Variants in PGCKA1 observed in about 807,000 individuals in gnomAD.
PGCKA1 encodes PDCD10 and GCKIII kinases associated 1, also known as PDCD10 and GCKIII kinases-associated protein 1.
the PGCKA1 span, among the ~76,000 whole-genome samples, chr4:37,584,873 C>G: frequency 1.3e-5 from 2 of 151,968 alleles, no homozygotes; most frequent in African/African-American, 2.4e-5. Flanking sequence ...CTCTTGAATT[C>G]ACCATCATAA....
At chr4:37,503,332 T>C in the PGCKA1 span, among the ~76,000 whole-genome samples, 533 of 152,294 alleles carry the variant, frequency 3.5e-3, 4 homozygotes, top group Non-Finnish European at 6.1e-3. Flanking sequence ...GTGTCTTCCT[T>C]CCAGGCACCC....
At chr4:37,526,979 C>T in the PGCKA1 span, among the ~76,000 whole-genome samples, 1 of 152,076 alleles carries the variant, frequency 6.6e-6, no homozygotes, top group Admixed American at 6.5e-5. Context: ...AACCTGAAAA[C>T]CTTCCAATAG....
chr4:37,525,064 C>G, the PGCKA1 span, among the ~76,000 whole-genome samples: 75,990 of 151,634 alleles, frequency 0.5, 19,847 homozygotes, highest in African/African-American at 0.64. Context: ...AAATTAGAGA[C>G]AAAGCAGTTC....
At chr4:37,478,794 T>A in the PGCKA1 span, among the ~76,000 whole-genome samples, 2 of 152,188 alleles carry the variant, frequency 1.3e-5, no homozygotes, top group Non-Finnish European at 2.9e-5. Flanking sequence ...CCCCTCTCAA[T>A]ATTTGTTACT....
the PGCKA1 span, among the ~76,000 whole-genome samples, chr4:37,472,885 T>C: frequency 6.6e-6 from 1 of 152,150 alleles, no homozygotes; most frequent in Non-Finnish European, 1.5e-5. Flanking sequence ...TATCTATGAG[T>C]TATGTCTGCA....
the PGCKA1 span, among the ~76,000 whole-genome samples, chr4:37,514,561 T>C: frequency 0.51 from 78,126 of 151,976 alleles, 20,467 homozygotes; most frequent in African/African-American, 0.6. Context: ...AAAAGAAATA[T>C]ATTTTATATC....
chr4:37,506,617 T>C, the PGCKA1 span, among the ~76,000 whole-genome samples: 2 of 151,918 alleles, frequency 1.3e-5, 1 homozygote, highest in South Asian at 4.1e-4. Context: ...CTATTTCTAA[T>C]TTTATTTAAT....
chr4:37,590,045 A>G, the PGCKA1 span: 3 of 1,412,794 alleles, frequency 2.1e-6, no homozygotes, highest in Non-Finnish European at 2.9e-6. Context: ...AAAAGCATTA[A>G]TGATGGAGCA....
chr4:37,589,007 A>G, the PGCKA1 span: 1 of 792,818 alleles, frequency 1.3e-6, no homozygotes. Flanking sequence ...TTGGGGCATG[A>G]TCAACATTGC....
chr4:37,466,429 C>T, the PGCKA1 span, among the ~76,000 whole-genome samples: 1 of 152,170 alleles, frequency 6.6e-6, no homozygotes, highest in Non-Finnish European at 1.5e-5. Context: ...TAGCAAATTG[C>T]AGACAATACA....
the PGCKA1 span, among the ~76,000 whole-genome samples, chr4:37,457,823 C>G: frequency 2.6e-5 from 4 of 152,160 alleles, no homozygotes; most frequent in East Asian, 5.8e-4. Context: ...TATTTCATTT[C>G]TGATTCCTAA....
chr4:37,466,348 T>C, the PGCKA1 span, among the ~76,000 whole-genome samples: 2 of 152,238 alleles, frequency 1.3e-5, no homozygotes. Context: ...ACTCATTTAA[T>C]CTACATCCTA....
the PGCKA1 span, among the ~76,000 whole-genome samples, chr4:37,487,431 C>A: frequency 6.6e-6 from 1 of 152,102 alleles, no homozygotes; most frequent in East Asian, 1.9e-4. Context: ...TCATTTCACC[C>A]CAGCACTTCA....
At chr4:37,538,727 G>A in the PGCKA1 span, among the ~76,000 whole-genome samples, 1 of 152,122 alleles carries the variant, frequency 6.6e-6, no homozygotes, top group African/African-American at 2.4e-5. Flanking sequence ...TATGATGGAG[G>A]AACTTAATCT....
the PGCKA1 span, among the ~76,000 whole-genome samples, chr4:37,537,418 T>C: frequency 6.6e-6 from 1 of 152,234 alleles, no homozygotes; most frequent in African/African-American, 2.4e-5. Context: ...ATTATAAACA[T>C]TGAAGAATAT....
chr4:37,455,671 C>T, the PGCKA1 span, among the ~76,000 whole-genome samples: 1 of 152,180 alleles, frequency 6.6e-6, no homozygotes, highest in East Asian at 1.9e-4. Context: ...ACCTTGCATA[C>T]CAACTCAACA....
At chr4:37,482,759 G>A in the PGCKA1 span, among the ~76,000 whole-genome samples, 2 of 152,130 alleles carry the variant, frequency 1.3e-5, no homozygotes, top group African/African-American at 4.8e-5. Flanking sequence ...GTTTTCATGG[G>A]CTGGACCTGG....
the PGCKA1 span, among the ~76,000 whole-genome samples, chr4:37,497,982 C>G: frequency 6.6e-6 from 1 of 151,902 alleles, no homozygotes; most frequent in Non-Finnish European, 1.5e-5. Flanking sequence ...GGGTTTTTGT[C>G]TAGACATTGT....
the PGCKA1 span, among the ~76,000 whole-genome samples, chr4:37,483,403 G>A: frequency 1.3e-5 from 2 of 152,014 alleles, no homozygotes; most frequent in African/African-American, 4.8e-5. Context: ...CACCACCCTA[G>A]AGGCATAAAC....
Sources: allele counts gnomAD v4.1 joint callset (sites outside exome capture counted in the v4.1 genomes callset), GRCh38; gene constraint gnomAD v4.1.1; transcripts MANE v1.5; gene names NCBI Gene and HGNC (gene_info 2026-07-23, HGNC 2026-07-21).